CSRP1: variants seen among roughly 807,000 people sequenced by gnomAD.
The protein encoded by CSRP1 is cysteine and glycine rich protein 1.
A neutral mutation model predicts 25.4 loss-of-function variants in CSRP1; 16 were observed. The ratio of observed to expected loss-of-function variants is 0.63; its 90% CI spans 0.43 to 0.96. The LOEUF is 0.96. Ranked by LOEUF, CSRP1 falls within the 40% of genes least tolerant of loss-of-function variation. The pLI is 0.00. For missense variants in CSRP1, 212 were observed against 243.6 expected, an observed-to-expected ratio of 0.87 and a Z score of 0.86; for synonymous variants, 97 against 95.3, an observed-to-expected ratio of 1.02 and a Z score of -0.10.
intron 2 of CSRP1, chr1:201,493,027 G>A (rs1478396775): frequency 6.6e-6 from 1 of 152,396 alleles, no homozygotes; most frequent in African/African-American, 2.4e-5. Context: ...CCTCAGGGCT[G>A]GCTGCTTAAC....
intron 1 of CSRP1, among the ~76,000 whole-genome samples, chr1:201,502,016 T>G (rs907054603): frequency 2.6e-5 from 4 of 151,296 alleles, no homozygotes; most frequent in African/African-American, 9.7e-5. Flanking sequence ...AATAAATAAA[T>G]AAATAAATAA....
chr1:201,493,701 T>C (rs1316720423), intron 2 of CSRP1, among the ~76,000 whole-genome samples: 1 of 152,218 alleles, frequency 6.6e-6, no homozygotes, highest in African/African-American at 2.4e-5. Context: ...CAACTGCTTT[T>C]GGGGACCCAA....
chr1:201,501,611 A>G (rs1448634154), intron 1 of CSRP1, among the ~76,000 whole-genome samples: 1 of 152,182 alleles, frequency 6.6e-6, no homozygotes, highest in African/African-American at 2.4e-5. Flanking sequence ...CTCAGCCTTG[A>G]GACAAGAAAG....
chr1:201,502,502 G>A (rs1396403576), intron 1 of CSRP1, among the ~76,000 whole-genome samples: 1 of 152,186 alleles, frequency 6.6e-6, no homozygotes, highest in Non-Finnish European at 1.5e-5. Context: ...TGAAGCTCAG[G>A]GTCACGGGTA....
rs868554994 is a variant in CSRP1, at chr1:201,504,927, C to T, written c.-2+2143G>A. ...CAGCCTGGCCAACATGGCGAAATGCCGTCTCTACTAAAAATACAAACAATT... is the reference window on the plus strand; with the variant it reads ...CAGCCTGGCCAACATGGCGAAATGCTGTCTCTACTAAAAATACAAACAATT... On this transcript the variant is annotated intron_variant, in intron 1 of 5. Coordinates refer to ENST00000340006, the MANE Select transcript of CSRP1 (RefSeq NM_004078.3). 6.6e-5 allele frequency among the ~76,000 whole-genome samples: 10 copies of T among 152,262 alleles called. No homozygotes were observed. The South Asian group carries it at 1.9e-3, about 28-fold the overall frequency.
At chr1:201,489,451 G>C (rs1217723824) in intron 3 of CSRP1, 2 of 181,316 alleles carry the variant, frequency 1.1e-5, no homozygotes, top group East Asian at 3.1e-4. Flanking sequence ...CCAGAGGCCA[G>C]GGAGTGCCGT....
intron 4 of CSRP1, chr1:201,487,207 G>C (rs1664177435): frequency 7.6e-6 from 2 of 262,850 alleles, no homozygotes; most frequent in Admixed American, 1.1e-4. Flanking sequence ...GTCCAGGCTG[G>C]TTCAAGACCA....
At chr1:201,490,411 G>A in intron 2 of CSRP1, 67 bp from the exon 3 acceptor site, 11 of 1,496,368 alleles carry the variant, frequency 7.4e-6, no homozygotes, top group South Asian at 7.1e-5. Context: ...CTCATTGCAA[G>A]CTTCTTACAG....
At chr1:201,502,314 G>C (rs1467484172) in intron 1 of CSRP1, among the ~76,000 whole-genome samples, 1 of 152,212 alleles carries the variant, frequency 6.6e-6, no homozygotes, top group African/African-American at 2.4e-5. Context: ...GAGCTGCTTG[G>C]TATCTGCCAG....
intron 4 of CSRP1, chr1:201,485,749 T>G: frequency 4.2e-6 from 1 of 240,138 alleles, no homozygotes; most frequent in Non-Finnish European, 8.3e-6. Context: ...GCCAGGGCTT[T>G]GCACTCCTCC....
At chr1:201,485,241 C>T (rs202028906) in intron 5 of CSRP1, 42 bp downstream of exon 5, 3 of 1,580,138 alleles carry the variant, frequency 1.9e-6, no homozygotes, top group Non-Finnish European at 2.6e-6. Flanking sequence ...CCCCCTACCC[C>T]CTTGGGCCTC....
chr1:201,492,348 C>T (rs967668709), intron 2 of CSRP1: 1 of 152,338 alleles, frequency 6.6e-6, no homozygotes, highest in African/African-American at 2.4e-5. Context: ...TTGCCTTGGC[C>T]CTTCTGTTCT....
At position 201,490,248 on chromosome 1, in the gene CSRP1, C is replaced by G. The variant is rs776083495; in HGVS notation, c.209G>C (p.Gly70Ala). The change falls in exon 3 of 6, where the codon GGC becomes GCC. Residue 70 changes from glycine (G) to alanine (A), a missense_variant. Coordinates refer to ENST00000340006, the MANE Select transcript of CSRP1 (RefSeq NM_004078.3). Reference protein sequence around the residue: ...SCYGKKYGPKGYGYGQGAGTL... With the variant: ...SCYGKKYGPKAYGYGQGAGTL... ...GCCTGCGCCCTGCCCGTAGCCATAGCCTTTGGGCCCATACTTCTTGCCGTA... is the reference window on the plus strand; with the variant it reads ...GCCTGCGCCCTGCCCGTAGCCATAGGCTTTGGGCCCATACTTCTTGCCGTA... The G allele has an allele frequency of 1.2e-6, 2 of 1,614,054 alleles. No individual in the cohort carries two copies. The highest frequency in any genetic ancestry group is 1.3e-5 in the African/African-American group (1 of 74,918).
chr1:201,490,394 C>T, intron 2 of CSRP1, 50 bp from the exon 3 acceptor site: 1 of 1,588,466 alleles, frequency 6.3e-7, no homozygotes, highest in East Asian at 2.2e-5. Context: ...CTGGGGTGAC[C>T]TTCTTGCTCA....
intron 1 of CSRP1, among the ~76,000 whole-genome samples, chr1:201,505,151 C>G (rs1374312897): frequency 6.6e-6 from 1 of 152,144 alleles, no homozygotes; most frequent in Non-Finnish European, 1.5e-5. Flanking sequence ...TTTTCTCTCA[C>G]CTGCTTGTCA....
chr1:201,486,824 T>C, intron 4 of CSRP1: 1 of 1,155,078 alleles, frequency 8.7e-7, no homozygotes, highest in South Asian at 1.9e-5. Flanking sequence ...ATCCTACTCC[T>C]TAGTACAGCC....
intron 2 of CSRP1, chr1:201,490,832 G>C (rs1457724431): frequency 6.5e-6 from 1 of 153,130 alleles, no homozygotes; most frequent in Non-Finnish European, 1.5e-5. Context: ...GGAGCCAACG[G>C]GGGGAGATGC....
chr1:201,496,649 C>T (rs1376123331), intron 1 of CSRP1: 6 of 297,558 alleles, frequency 2.0e-5, no homozygotes, highest in Admixed American at 9.4e-5. Context: ...CCCCTACACA[C>T]GTCAACATGG....
chr1:201,506,793 C>G (rs530505967), intron 1 of CSRP1: 1 of 152,414 alleles, frequency 6.6e-6, no homozygotes, highest in African/African-American at 2.4e-5. Flanking sequence ...TTGTTCTGCC[C>G]GACTTGCAGG....
Sources: allele counts gnomAD v4.1 joint callset (sites outside exome capture counted in the v4.1 genomes callset), GRCh38; gene constraint gnomAD v4.1.1; transcripts MANE v1.5; gene names NCBI Gene and HGNC (gene_info 2026-07-23, HGNC 2026-07-21).